ERAP2: variants seen among roughly 807,000 people sequenced by gnomAD.
The protein encoded by ERAP2 is leukocyte-derived arginine aminopeptidase.
In ERAP2, 118 loss-of-function variants were observed where a neutral mutation model predicts 111.1. The observed-to-expected ratio is 1.06, with a 90% CI of 0.92 to 1.24. The LOEUF is 1.24. Ranked by LOEUF, ERAP2 falls within the 50% of genes most tolerant of loss-of-function variation. ERAP2 has a pLI of 0.00. For synonymous variants in ERAP2, 410 were observed against 401.2 expected (o/e 1.02, Z -0.26); for missense variants, 1,131 against 1,125.8 (o/e 1.00, Z -0.07).
rs1783761863 is a variant in ERAP2, at chr5:96,886,716, T to A, written c.776T>A (p.Met259Lys). The A allele has an allele frequency of 1.4e-5, 21 of 1,554,860 alleles. No homozygotes were observed. Among genetic ancestry groups the A allele is most frequent in the Non-Finnish European group, 1.7e-5 (19 of 1,139,278 alleles). ...GATCACTTTGAAACTACTGTAAAAATGAGTACATACCTTGTAGCCTACATA... is the reference window on the plus strand; with the variant it reads ...GATCACTTTGAAACTACTGTAAAAAAGAGTACATACCTTGTAGCCTACATA... ...LEDHFETTVK[M>K]STYLVAYIVC... Residue 259 changes from methionine (M) to lysine (K), a missense_variant, in exon 4 of 19, where the codon ATG (methionine) becomes AAG (lysine). Transcript: ENST00000437043.
At chr5:96,902,474 G>A in intron 12 of ERAP2, 121 bp downstream of exon 12, 1 of 639,868 alleles carries the variant, frequency 1.6e-6, no homozygotes, top group Non-Finnish European at 2.7e-6. Flanking sequence ...GAGGGAAGTT[G>A]TCATTTATCC....
Position 96,881,445 on chromosome 5 carries a change from C to T in ERAP2, c.575+1185C>T, listed in dbSNP as rs184114163. The T allele has an allele frequency of 1.7e-4, 77 of 456,176 alleles. No individual in the cohort carries two copies. In the East Asian group the frequency reaches 2.5e-3, roughly 15 times the overall value. The allele number at this position is 456,176 out of a possible 1,614,324, so 28.3% of individuals were successfully genotyped here. On this transcript the variant is annotated intron_variant, in intron 2 of 18. Transcript: ENST00000437043. ...AATCAAGGATGCTTCATAGAGTGGA[C>T]GGCTTGGTTTCCCAGGGCCAGGATC... is the stretch of plus-strand genomic sequence containing the variant.
chr5:96,917,398 G>C, intron 18 of ERAP2, 64 bp from the exon 19 acceptor site: 1 of 1,495,170 alleles, frequency 6.7e-7, no homozygotes. Flanking sequence ...TGGGATTACA[G>C]GTGTGAACCA....
At chr5:96,889,843 CACACA>C (rs1784151202) in intron 5 of ERAP2, among the ~76,000 whole-genome samples, 1 of 151,768 alleles carries the variant, frequency 6.6e-6, no homozygotes, top group Non-Finnish European at 1.5e-5. Context: ...CACACACACA[CACACA>C]CACACACACA....
intron 7 of ERAP2, 69 bp from the exon 8 acceptor site, chr5:96,896,304 T>C: frequency 7.9e-7 from 1 of 1,264,248 alleles, no homozygotes. Context: ...TTACTAAACC[T>C]ACTATGTTTT....
chr5:96,890,028 A>T (rs1260100203), intron 5 of ERAP2, among the ~76,000 whole-genome samples: 1 of 152,230 alleles, frequency 6.6e-6, no homozygotes. Context: ...GGATGGTAAG[A>T]CTGTGGAACA....
At chr5:96,889,436 G>A (rs777007511) in intron 5 of ERAP2, 131 bp downstream of exon 5, 117 of 1,012,730 alleles carry the variant, frequency 1.2e-4, no homozygotes, top group Non-Finnish European at 1.8e-4. Flanking sequence ...AAAATAATTT[G>A]TTCCTCAGAG....
chr5:96,892,739 A>G (rs542078113), intron 6 of ERAP2, among the ~76,000 whole-genome samples: 60 of 152,304 alleles, frequency 3.9e-4, no homozygotes, highest in Non-Finnish European at 5.1e-4. Context: ...GACTATACAG[A>G]CACATGAAGC....
chr5:96,881,483 A>C (rs778506871), intron 2 of ERAP2: 30 of 456,078 alleles, frequency 6.6e-5, no homozygotes, highest in Non-Finnish European at 3.1e-5. Context: ...TCTGGGAGGT[A>C]AGAGGAGTCT....
rs1201080284 is a variant in ERAP2 at position 96,917,936 on chromosome 5, A to AAAAAGAAAAG, written c.*342_*351dup. 6.2e-6 allele frequency: 1 copy of AAAAAGAAAAG among 160,858 alleles called. No individual in the cohort carries two copies. The highest frequency in any genetic ancestry group is 6.5e-5 in the Admixed American group (1 of 15,484). The allele number at this position is 160,858 out of a possible 1,614,324, so 10.0% of individuals were successfully genotyped here. The stretch of plus-strand genomic sequence containing the variant: ...AAAAAAAAAAAAAAAAAAGAAAAAG[A>AAAAAGAAAAG]AAAAGAAAAGAAAAGAAAAGGTACA... On this transcript the variant is annotated 3_prime_UTR_variant, in exon 19 of 19. Transcript: ENST00000437043.
chr5:96,905,918 GGA>G (rs1340222500), intron 13 of ERAP2, among the ~76,000 whole-genome samples: 1 of 150,356 alleles, frequency 6.7e-6, no homozygotes, highest in Non-Finnish European at 1.5e-5. Context: ...CATTTAGTTT[GGA>G]GAGATAATTT....
Position 96,896,755 on chromosome 5 carries a change from C to T in ERAP2, c.1395C>T (p.Leu465=). ...YNKGACILNM[L]KDFLGEEKFQ... ...AGGGAGCTTGTATTTTGAATATGCT[C>T]AAGGATTTTCTGGGTGAGGAGAAAT... Residue 465 remains leucine (L), a synonymous_variant, in exon 9 of 19, where the codon CTC becomes CTT. Coordinates refer to ENST00000437043, the MANE Select transcript of ERAP2 (RefSeq NM_022350.5). 6.3e-7 allele frequency: 1 copy of T among 1,588,588 alleles called. No homozygotes were observed. Among genetic ancestry groups the T allele is most frequent in the East Asian group, 2.3e-5 (1 of 44,382 alleles).
Position 96,905,370 on chromosome 5 carries a change from T to C in ERAP2, c.2012+1810T>C, listed in dbSNP as rs1468379085. 5.9e-5 allele frequency among the ~76,000 whole-genome samples: 9 copies of C among 152,354 alleles called. No individual in the cohort carries two copies. In the East Asian group the frequency reaches 1.5e-3, roughly 26 times the overall value. Reference sequence around the variant, plus strand: ...TTGAGTGTGTAGGGTATTGAAATTATGAGCCTTCTCTAATTTCTGGTTGTT... The same window carrying C: ...TTGAGTGTGTAGGGTATTGAAATTACGAGCCTTCTCTAATTTCTGGTTGTT... On this transcript the variant is annotated intron_variant, in intron 13 of 18. Transcript: ENST00000437043.
rs1038829608 is a variant in ERAP2 at position 96,895,229 on chromosome 5, G to T, written c.1126-17G>T. On this transcript the variant is annotated splice_polypyrimidine_tract_variant and intron_variant, in intron 6 of 18. Coordinates refer to ENST00000437043, the MANE Select transcript of ERAP2 (RefSeq NM_022350.5). ...TATTTGTTTAACTTCTAATAATATTGAGTTTTTACCTCCTAGTGGTTTGGC... is the reference window on the plus strand; with the variant it reads ...TATTTGTTTAACTTCTAATAATATTTAGTTTTTACCTCCTAGTGGTTTGGC... The T allele has an allele frequency of 1.4e-6, 2 of 1,406,132 alleles. No individual in the cohort carries two copies. The highest frequency in any genetic ancestry group is 2.0e-6 in the Non-Finnish European group (2 of 1,008,328). The allele number at this position is 1,406,132 out of a possible 1,614,324, so 87.1% of individuals were successfully genotyped here.
chr5:96,889,093 AC>A, intron 4 of ERAP2, 91 bp from the exon 5 acceptor site: 1 of 1,450,590 alleles, frequency 6.9e-7, no homozygotes, highest in Non-Finnish European at 9.5e-7. Flanking sequence ...TTGAAAAGAT[AC>A]AGTCTGCCTT....
chr5:96,888,921 A>G (rs1292239179), intron 4 of ERAP2, among the ~76,000 whole-genome samples: 2 of 152,242 alleles, frequency 1.3e-5, no homozygotes, highest in African/African-American at 2.4e-5. Context: ...ATTATGATAC[A>G]ATGGGTTAAC....
chr5:96,886,813 A>G (rs1783777192), intron 4 of ERAP2, 24 bp downstream of exon 4: 2 of 1,419,448 alleles, frequency 1.4e-6, no homozygotes, highest in Admixed American at 2.2e-5. Flanking sequence ...CTAACGTTCT[A>G]CGCAGTGCAG....
In ERAP2 at chr5:96,883,854, A is replaced by G. The variant is rs1316013698; in HGVS notation, c.638A>G (p.Glu213Gly). Residue 213 changes from glutamate (E) to glycine (G), a missense_variant, in exon 3 of 19, where the codon GAA becomes GGA. Transcript: ENST00000437043. ...QARMAFPCFD[E>G]PLFKANFSIK... ...CGCATGGCTTTCCCTTGCTTTGATG[A>G]ACCGTTGTTCAAAGCCAACTTTTCA... 4 of 1,613,924 alleles carry G rather than the reference A, an allele frequency of 2.5e-6. No individual in the cohort carries two copies. The highest frequency in any genetic ancestry group is 3.4e-6 in the Non-Finnish European group (4 of 1,179,904).
At chr5:96,911,275 T>C (rs1179058362) in intron 15 of ERAP2, among the ~76,000 whole-genome samples, 2 of 152,224 alleles carry the variant, frequency 1.3e-5, no homozygotes, top group African/African-American at 4.8e-5. Flanking sequence ...ATGGTCACTT[T>C]GTGACAAATG....
Sources: gnomAD v4.1 joint callset for allele counts (sites outside exome capture counted in the v4.1 genomes callset) on GRCh38, gnomAD v4.1.1 for gene constraint, MANE v1.5 for transcripts, NCBI Gene and HGNC (gene_info 2026-07-23, HGNC 2026-07-21) for gene names.